EXPH5: variants seen among roughly 807,000 people sequenced by gnomAD.
EXPH5 encodes exophilin-5.
In EXPH5, 42 loss-of-function variants were observed where a neutral mutation model predicts 41.1. That is an observed-to-expected ratio of 1.02 (90% CI 0.80 to 1.32). EXPH5 has a LOEUF of 1.32. EXPH5 is among the 40% of genes most tolerant of loss of function. The probability of loss-of-function intolerance (pLI) is 0.00; values close to 1 mark genes in which losing one functional copy is unlikely to be tolerated. For missense variants in EXPH5, 2,298 were observed against 2,314.5 expected, an observed-to-expected ratio of 0.99 and a Z score of 0.15; for synonymous variants, 798 against 833.5, an observed-to-expected ratio of 0.96 and a Z score of 0.73.
At chr11:108,535,956 T>A (rs2093876853) in intron 3 of EXPH5, among the ~76,000 whole-genome samples, 1 of 152,160 alleles carries the variant, frequency 6.6e-6, no homozygotes, top group Non-Finnish European at 1.5e-5. Context: ...ATTTGTGAGA[T>A]TACGAAGTTA....
chr11:108,606,114 G>A, the EXPH5 span, among the ~76,000 whole-genome samples: 2 of 151,990 alleles, frequency 1.3e-5, no homozygotes, highest in African/African-American at 2.4e-5. Flanking sequence ...CTGTTACCTC[G>A]AACTCCTGGT....
At position 108,512,230 on chromosome 11, in the gene EXPH5, G is replaced by A. The variant is rs2093687975; in HGVS notation, c.3277C>T (p.Pro1093Ser). The change falls in exon 6 of 6, where the codon CCT (proline) becomes TCT (serine). Residue 1093 changes from proline (P) to serine (S), a missense_variant. Transcript: ENST00000265843. ...KVLSDSALEA[P>S]EATERMTNVK... is the part of the protein sequence containing the mutation. ...TTTGTCATTCTCTCTGTGGCTTCAG[G>A]TGCTTCCAGGGCTGAGTCTGAAAGG... 3 of 1,608,226 alleles carry A rather than the reference G, an allele frequency of 1.9e-6. No homozygotes were observed. Among genetic ancestry groups the A allele is most frequent in the Non-Finnish European group, 2.5e-6 (3 of 1,178,230 alleles).
chr11:108,562,739 G>A (rs2136082784), intron 1 of EXPH5, among the ~76,000 whole-genome samples: 1 of 152,348 alleles, frequency 6.6e-6, no homozygotes, highest in Non-Finnish European at 1.5e-5. Flanking sequence ...GAGGCAGGAG[G>A]ATCAAGTGAG....
intron 3 of EXPH5, among the ~76,000 whole-genome samples, chr11:108,530,624 G>A (rs1234960761): frequency 6.6e-6 from 1 of 152,312 alleles, no homozygotes; most frequent in Admixed American, 6.5e-5. Flanking sequence ...ATCCTGCTGG[G>A]CTACAGCCCT....
At chr11:108,565,890 A>G (rs1186489194) in intron 1 of EXPH5, among the ~76,000 whole-genome samples, 2 of 152,188 alleles carry the variant, frequency 1.3e-5, no homozygotes, top group Non-Finnish European at 2.9e-5. Flanking sequence ...TTTTGTTTAC[A>G]ATGCCCTTTC....
In EXPH5 at chr11:108,509,795, T is replaced by C; in HGVS notation, c.5712A>G (p.Ser1904=). 6.2e-7 allele frequency: 1 copy of C among 1,612,620 alleles called. No homozygotes were observed. The highest frequency in any genetic ancestry group is 8.5e-7 in the Non-Finnish European group (1 of 1,179,642). The change falls in exon 6 of 6, where the codon TCA becomes TCG. Residue 1904 remains serine, a synonymous_variant. Transcript: ENST00000265843. ...QLAFLENVKR[S]LTQGRLWKPS... is the part of the protein sequence containing the mutation. ...GTTTCCATAATCTTCCTTGTGTAAG[T>C]GACCTCTTTACATTTTCTAAGAAAG...
intron 1 of EXPH5, among the ~76,000 whole-genome samples, chr11:108,580,669 A>T (rs1014588439): frequency 6.7e-6 from 1 of 149,776 alleles, no homozygotes; most frequent in Non-Finnish European, 1.5e-5. Context: ...TATCCAACAG[A>T]TGAATGGATA....
intron 3 of EXPH5, 31 bp from the exon 4 acceptor site, chr11:108,528,215 A>C (rs760822297): frequency 5.8e-6 from 9 of 1,543,182 alleles, no homozygotes. Context: ...GATTTCTTTG[A>C]AGAAGAGCCT....
rs1374909983 is a variant in EXPH5 at position 108,510,118 on chromosome 11, A to C, written c.5389T>G (p.Leu1797Val). 1 of 1,613,690 alleles carries C rather than the reference A, an allele frequency of 6.2e-7. No homozygotes were observed. The highest frequency in any genetic ancestry group is 1.7e-4 in the Middle Eastern group (1 of 6,058). The change falls in exon 6 of 6, where the codon TTA (leucine) becomes GTA (valine). Residue 1797 changes from leucine (L) to valine (V), a missense_variant. Leu to Val is a conservative substitution (Grantham distance 32, BLOSUM62 1). Coordinates refer to ENST00000265843, the MANE Select transcript of EXPH5 (RefSeq NM_015065.3). ...TCGCCATGAACATTAATGCTTTTTA[A>C]ACTCTTTGAACGATAGAGGTGTGGC... ...PEPHLYRSKS[L>V]KSINVHGDLL...
chr11:108,511,155 C>A lies in EXPH5; in HGVS notation c.4352G>T (p.Gly1451Val), dbSNP rs778291825. 1.2e-6 allele frequency: 2 copies of A among 1,613,410 alleles called. No individual in the cohort carries two copies. Among genetic ancestry groups the A allele is most frequent in the Non-Finnish European group, 1.7e-6 (2 of 1,179,692 alleles). ...ACTTCCAGTAAATGGAATGGCTCTA[C>A]CACTCCCTGTACACTCCCAAGAACT... ...RRSSWECTGSGRAIPFTGSGK... is the reference protein window; with the variant it reads ...RRSSWECTGSVRAIPFTGSGK... Residue 1451 changes from glycine to valine, a missense_variant, in exon 6 of 6, where the codon GGT becomes GTT. By Grantham distance (109) the Gly-to-Val change is moderately radical. Coordinates refer to ENST00000265843, the MANE Select transcript of EXPH5 (RefSeq NM_015065.3).
intron 4 of EXPH5, among the ~76,000 whole-genome samples, chr11:108,527,103 T>G (rs1383974660): frequency 6.6e-6 from 1 of 152,132 alleles, no homozygotes; most frequent in African/African-American, 2.4e-5. Flanking sequence ...GAGGATCTCT[T>G]GAGGCCAGGA....
chr11:108,594,563 T>C (rs1023872404), upstream of EXPH5, among the ~76,000 whole-genome samples: 1 of 152,202 alleles, frequency 6.6e-6, no homozygotes, highest in African/African-American at 2.4e-5. Flanking sequence ...TAATAGAAAC[T>C]TATAAAGATA....
chr11:108,522,849 C>A, intron 4 of EXPH5, among the ~76,000 whole-genome samples: 1 of 151,952 alleles, frequency 6.6e-6, no homozygotes, highest in Non-Finnish European at 1.5e-5. Context: ...GTTCAAACAC[C>A]TTTTTTGCAG....
At chr11:108,516,695 T>TTTGCAAGTTGGTGTTA (rs1353353213) in intron 5 of EXPH5, among the ~76,000 whole-genome samples, 3 of 152,202 alleles carry the variant, frequency 2.0e-5, no homozygotes, top group African/African-American at 7.2e-5. Context: ...TCCTATTTTA[T>TTTGCAAGTTGGTGTTA]TTGCAAGTTG....
Position 108,512,940 on chromosome 11 carries a change from G to C in EXPH5, c.2567C>G (p.Thr856Ser). The change falls in exon 6 of 6, where the codon ACT becomes AGT. Residue 856 changes from threonine to serine, a missense_variant. Thr to Ser is a moderately conservative substitution (Grantham distance 58, BLOSUM62 1). Transcript: ENST00000265843. ...GCATTTTGAGTATTGTGCATTTTGAGTATCAGTCAGTGCAGAGCTCCAGTG... is the reference window on the plus strand; with the variant it reads ...GCATTTTGAGTATTGTGCATTTTGACTATCAGTCAGTGCAGAGCTCCAGTG... ...NNHWSSALTDTQNAQYSKCKL... is the reference protein window; with the variant it reads ...NNHWSSALTDSQNAQYSKCKL... 6.2e-7 allele frequency: 1 copy of C among 1,613,048 alleles called. No homozygotes were observed. Among genetic ancestry groups the C allele is most frequent in the Non-Finnish European group, 8.5e-7 (1 of 1,179,566 alleles).
chr11:108,538,734 A>G (rs929596499), intron 3 of EXPH5, among the ~76,000 whole-genome samples: 2 of 152,188 alleles, frequency 1.3e-5, no homozygotes, highest in Non-Finnish European at 2.9e-5. Flanking sequence ...AGACTCTTGG[A>G]GCAGTGGAAA....
At chr11:108,525,818 C>A (rs1474465161) in intron 4 of EXPH5, among the ~76,000 whole-genome samples, 3 of 151,902 alleles carry the variant, frequency 2.0e-5, no homozygotes, top group Non-Finnish European at 4.4e-5. Context: ...ACACGTCATG[C>A]AGAAGTCTTA....
intron 4 of EXPH5, among the ~76,000 whole-genome samples, chr11:108,520,716 G>A (rs973396456): frequency 6.6e-6 from 1 of 151,896 alleles, no homozygotes; most frequent in Non-Finnish European, 1.5e-5. Flanking sequence ...ACAGGCGCAC[G>A]CCACCATGCC....
intron 4 of EXPH5, 54 bp downstream of exon 4, chr11:108,528,082 G>T: frequency 1.7e-6 from 2 of 1,154,066 alleles, no homozygotes; most frequent in Non-Finnish European, 2.6e-6. Flanking sequence ...GCCACCCTGG[G>T]ATTACATAAA....
Sources: allele counts gnomAD v4.1 joint callset (sites outside exome capture counted in the v4.1 genomes callset), GRCh38; gene constraint gnomAD v4.1.1; transcripts MANE v1.5; gene names NCBI Gene and HGNC (gene_info 2026-07-23, HGNC 2026-07-21).